DOCK3: variants seen among roughly 807,000 people sequenced by gnomAD.
DOCK3 encodes the protein dedicator of cytokinesis 3.
A neutral mutation model predicts 265.6 loss-of-function variants in DOCK3; 60 were observed. That is an observed-to-expected ratio of 0.23 (90% CI 0.18 to 0.28). DOCK3 has a LOEUF of 0.28. DOCK3 is among the 10% of genes least tolerant of loss of function. The pLI, the probability that DOCK3 is intolerant of heterozygous loss-of-function variation, is 1.00. For synonymous variants in DOCK3, 881 were observed against 938.0 expected (o/e 0.94, Z 1.11); for missense variants, 1,981 against 2,594.3 (o/e 0.76, Z 5.14).
At chr3:51,188,583 C>T (rs1414050787) in intron 12 of DOCK3, among the ~76,000 whole-genome samples, 1 of 152,168 alleles carries the variant, frequency 6.6e-6, no homozygotes, top group Non-Finnish European at 1.5e-5. Context: ...TCATCAGCTT[C>T]CTCCCTGCTA....
chr3:51,257,524 G>C lies in DOCK3; in HGVS notation c.2185-2632G>C, dbSNP rs866669647. ...TGTTCACAATGTGAGAGGCATGTAGGGGGTGTCATTGTGGGTTTTAGGGTG... is the reference window on the plus strand; with the variant it reads ...TGTTCACAATGTGAGAGGCATGTAGCGGGTGTCATTGTGGGTTTTAGGGTG... On this transcript the variant is annotated intron_variant, in intron 22 of 52. Coordinates refer to ENST00000266037, the MANE Select transcript of DOCK3 (RefSeq NM_004947.5). Among the ~76,000 whole-genome samples, 57 of 152,212 alleles carry C rather than the reference G, an allele frequency of 3.7e-4. 1 individual carries two copies. The highest frequency in any genetic ancestry group is 3.4e-3 in the Middle Eastern group (1 of 294).
rs1028590683 is a variant in DOCK3, at chr3:51,374,687, C to T, written c.5412+100C>T. ...GCCTTCTGCATTGTCCTACATGGCT[C>T]TCTCATTCCGCTGTAAGATCCCGCA... On this transcript the variant is annotated intron_variant, in intron 50 of 52. Coordinates refer to ENST00000266037, the MANE Select transcript of DOCK3 (RefSeq NM_004947.5). The surrounding 1 kb of genome is among the most constrained non-coding windows in gnomAD (Gnocchi z 4.8). 7 of 1,168,432 alleles carry T rather than the reference C, an allele frequency of 6.0e-6. No individual in the cohort carries two copies. Among genetic ancestry groups the T allele is most frequent in the Non-Finnish European group, 8.6e-6 (7 of 810,756 alleles). The allele number at this position is 1,168,432 out of a possible 1,614,324, so 72.4% of individuals were successfully genotyped here.
intron 1 of DOCK3, among the ~76,000 whole-genome samples, chr3:50,706,413 C>T (rs1309656548): frequency 6.6e-6 from 1 of 152,088 alleles, no homozygotes; most frequent in African/African-American, 2.4e-5. Context: ...TTGAATATAT[C>T]ATTCTATTCT....
At chr3:51,057,947 A>G (rs1389926236) in intron 5 of DOCK3, among the ~76,000 whole-genome samples, 1 of 152,246 alleles carries the variant, frequency 6.6e-6, no homozygotes, top group Non-Finnish European at 1.5e-5. Flanking sequence ...TTACCTACAT[A>G]ACAAACCATC....
chr3:51,017,648 A>T lies in DOCK3; in HGVS notation c.316-46800A>T, dbSNP rs529209476. On this transcript the variant is annotated intron_variant, in intron 5 of 52. Coordinates refer to ENST00000266037, the MANE Select transcript of DOCK3 (RefSeq NM_004947.5). ...TTCAGGAGCATATTGTTTAATTTTCATGTGTTTGTATAGTTTCCAAAATTC... is the reference window on the plus strand; with the variant it reads ...TTCAGGAGCATATTGTTTAATTTTCTTGTGTTTGTATAGTTTCCAAAATTC... Among the ~76,000 whole-genome samples the T allele has an allele frequency of 2.6e-5, 4 of 151,782 alleles. No homozygotes were observed. The East Asian group carries it at 7.7e-4, about 29-fold the overall frequency.
At chr3:50,963,205 T>C (rs1559868568) in intron 5 of DOCK3, among the ~76,000 whole-genome samples, 2 of 152,158 alleles carry the variant, frequency 1.3e-5, no homozygotes, top group African/African-American at 4.8e-5. Context: ...AAAAATAAAT[T>C]GTTTGCTGAA....
intron 5 of DOCK3, among the ~76,000 whole-genome samples, chr3:50,990,724 A>G (rs559370988): frequency 6.6e-6 from 1 of 152,308 alleles, no homozygotes; most frequent in East Asian, 1.9e-4. Flanking sequence ...CTGGATTCCG[A>G]CGTTCAAGGG....
chr3:51,338,521 A>C (rs1247146347), intron 36 of DOCK3, 102 bp downstream of exon 36: 1 of 1,351,762 alleles, frequency 7.4e-7, no homozygotes, highest in Non-Finnish European at 1.0e-6. Context: ...TGCAGGCCTA[A>C]GGGTTTGAAT....
intron 2 of DOCK3, among the ~76,000 whole-genome samples, chr3:50,815,378 T>C (rs2044015846): frequency 6.6e-6 from 1 of 152,228 alleles, no homozygotes; most frequent in South Asian, 2.1e-4. Flanking sequence ...GTTTTTCATG[T>C]ACATATCAAT....
chr3:50,755,878 A>G (rs1198006295), intron 1 of DOCK3, among the ~76,000 whole-genome samples: 1 of 152,216 alleles, frequency 6.6e-6, no homozygotes, highest in Non-Finnish European at 1.5e-5. Context: ...TCCACTGTAT[A>G]GATAAGAATT....
chr3:50,951,109 G>A lies in DOCK3; in HGVS notation c.315+17032G>A, dbSNP rs569926554. Among the ~76,000 whole-genome samples, 3 of 152,232 alleles carry A rather than the reference G, an allele frequency of 2.0e-5. No individual in the cohort carries two copies. The South Asian group carries it at 6.2e-4, about 32-fold the overall frequency. ...CCTCATTTATTGATGATTTACTACA[G>A]ACACAGCACTTTATACACTTACAGC... On this transcript the variant is annotated intron_variant, in intron 5 of 52. Transcript: ENST00000266037.
At chr3:50,730,370 T>C (rs1158724514) in intron 1 of DOCK3, among the ~76,000 whole-genome samples, 1 of 152,122 alleles carries the variant, frequency 6.6e-6, no homozygotes, top group African/African-American at 2.4e-5. Flanking sequence ...CTCAAACTGC[T>C]GACCTCAAGT....
chr3:51,079,889 A>G (rs1206323492), intron 7 of DOCK3, among the ~76,000 whole-genome samples: 1 of 152,220 alleles, frequency 6.6e-6, no homozygotes, highest in Non-Finnish European at 1.5e-5. Flanking sequence ...ATCTAACAGA[A>G]TGCTTGCATT....
intron 9 of DOCK3, among the ~76,000 whole-genome samples, chr3:51,114,838 G>A (rs2083665155): frequency 1.3e-5 from 2 of 149,448 alleles, no homozygotes; most frequent in South Asian, 4.2e-4. Context: ...AGTGTGTGAT[G>A]TTCCCCTCCC....
chr3:50,685,329 T>C (rs571202117), intron 1 of DOCK3, among the ~76,000 whole-genome samples: 2 of 152,356 alleles, frequency 1.3e-5, no homozygotes, highest in South Asian at 2.1e-4. Flanking sequence ...CAGACTTGCA[T>C]TTTGAAAAAT....
At chr3:51,054,200 A>C (rs971517610) in intron 5 of DOCK3, among the ~76,000 whole-genome samples, 16 of 148,704 alleles carry the variant, frequency 1.1e-4, no homozygotes, top group Non-Finnish European at 2.2e-4. Context: ...AAATGTATTT[A>C]GCTTACCCTT....
At chr3:50,787,565 A>G in intron 2 of DOCK3, 4 of 857,586 alleles carry the variant, frequency 4.7e-6, no homozygotes, top group Middle Eastern at 4.7e-4. Flanking sequence ...GTCACTTCTC[A>G]CAGGTCACAC....
chr3:51,059,645 C>A (rs1016419978), intron 5 of DOCK3, among the ~76,000 whole-genome samples: 1 of 152,142 alleles, frequency 6.6e-6, no homozygotes, highest in Non-Finnish European at 1.5e-5. Flanking sequence ...CCCCTTCCCA[C>A]TCTATTCACT....
intron 4 of DOCK3, among the ~76,000 whole-genome samples, chr3:50,903,673 G>A (rs1358101305): frequency 6.6e-6 from 1 of 151,974 alleles, no homozygotes; most frequent in Non-Finnish European, 1.5e-5. Context: ...AATATTGCTG[G>A]CCTCATAGAA....
Sources: allele counts gnomAD v4.1 joint callset (sites outside exome capture counted in the v4.1 genomes callset), GRCh38; gene constraint gnomAD v4.1.1; non-coding constraint Gnocchi (gnomAD v3.1); transcripts MANE v1.5; gene names NCBI Gene and HGNC (gene_info 2026-07-23, HGNC 2026-07-21).